Variants in TTC8 observed in about 807,000 individuals in gnomAD.
The protein encoded by TTC8 is tetratricopeptide repeat protein 8.
Under a neutral mutation model 72.5 loss-of-function variants are expected in TTC8, and 47 were observed. That is an observed-to-expected ratio of 0.65 (90% CI 0.51 to 0.83). TTC8 has a LOEUF of 0.83. TTC8 is among the 40% of genes least tolerant of loss of function. TTC8 has a pLI of 0.00. For missense variants in TTC8, 611 were observed against 623.2 expected, an observed-to-expected ratio of 0.98 and a Z score of 0.21; for synonymous variants, 199 against 221.4, an observed-to-expected ratio of 0.90 and a Z score of 0.90.
intron 10 of TTC8, among the ~76,000 whole-genome samples, chr14:88,865,065 C>G (rs1170815271): frequency 6.6e-6 from 1 of 152,012 alleles, no homozygotes; most frequent in East Asian, 1.9e-4. Context: ...AATGATTTAT[C>G]CTTGCCAGAT....
chr14:88,864,839 A>C (rs559040715), intron 10 of TTC8, among the ~76,000 whole-genome samples: 93 of 152,324 alleles, frequency 6.1e-4, no homozygotes, highest in African/African-American at 2.2e-3. Context: ...ATGTGACAAT[A>C]GATGTCCAGT....
intron 7 of TTC8, among the ~76,000 whole-genome samples, chr14:88,844,977 G>C (rs1472775736): frequency 6.6e-6 from 1 of 152,108 alleles, no homozygotes; most frequent in Non-Finnish European, 1.5e-5. Flanking sequence ...GGACATAAAT[G>C]AAATAGTTAA....
At chr14:88,824,192 CTT>C (rs2094687618), upstream of TTC8, 2 of 152,482 alleles carry the variant, frequency 1.3e-5, no homozygotes, top group African/African-American at 4.8e-5. Context: ...GGATTTAGGA[CTT>C]TAGGTCTTGA....
At chr14:88,875,684 A>C (rs1006393205) in intron 14 of TTC8, among the ~76,000 whole-genome samples, 1 of 152,198 alleles carries the variant, frequency 6.6e-6, no homozygotes, top group Non-Finnish European at 1.5e-5. Flanking sequence ...TTTGAGAATA[A>C]GGAAATGGCT....
chr14:88,876,153 G>A (rs1211824171), intron 14 of TTC8, among the ~76,000 whole-genome samples: 2 of 152,194 alleles, frequency 1.3e-5, no homozygotes, highest in Non-Finnish European at 2.9e-5. Flanking sequence ...GTTTCCCACT[G>A]TACTGTGCTA....
In TTC8 at chr14:88,830,562, A is replaced by G. The variant is rs151334337; in HGVS notation, c.115-3131A>G. ...ATTAGTCCTTAAGATTCTCCTATGA[A>G]GTAGGTACTATTGCTTTAATTTGAG... On this transcript the variant is annotated intron_variant, in intron 1 of 14. Coordinates refer to ENST00000380656, the MANE Select transcript of TTC8 (RefSeq NM_144596.4). Among the ~76,000 whole-genome samples the G allele has an allele frequency of 1.0e-3, 153 of 152,352 alleles. 1 individual carries two copies. The highest frequency in any genetic ancestry group is 3.5e-3 in the African/African-American group (146 of 41,586).
At position 88,839,586 on chromosome 14, in the gene TTC8, T is replaced by TGAAAACCAATAC. The variant is rs770242870; in HGVS notation, c.265+14_265+15insGAAAACCAATAC. On this transcript the variant is annotated intron_variant, in intron 3 of 14. Coordinates refer to ENST00000380656, the MANE Select transcript of TTC8 (RefSeq NM_144596.4). ...CTCAAGTTCCACGTAAGTATTGGGT[T>TGAAAACCAATAC]TTCAGTTAAGTTAATGAAATACCAT... is the stretch of plus-strand genomic sequence containing the variant. 6.2e-7 allele frequency: 1 copy of TGAAAACCAATAC among 1,612,626 alleles called. No individual in the cohort carries two copies. Among genetic ancestry groups the TGAAAACCAATAC allele is most frequent in the African/African-American group, 1.3e-5 (1 of 74,978 alleles).
chr14:88,846,568 G>A, intron 7 of TTC8: 1 of 1,222,306 alleles, frequency 8.2e-7, no homozygotes, highest in Non-Finnish European at 1.1e-6. Flanking sequence ...GCCATTTGTA[G>A]GTCATGGTGA....
At chr14:88,872,532 A>T (rs1184302411) in intron 13 of TTC8, 80 bp downstream of exon 13, 2 of 1,585,234 alleles carry the variant, frequency 1.3e-6, no homozygotes, top group Non-Finnish European at 8.6e-7. Flanking sequence ...ATTACAGCGT[A>T]TGTTATTTTA....
intron 10 of TTC8, among the ~76,000 whole-genome samples, chr14:88,862,345 G>T (rs927118562): frequency 1.0e-4 from 15 of 150,688 alleles, no homozygotes; most frequent in Non-Finnish European, 4.4e-5. Context: ...TTGTTTTCTT[G>T]TTTAGTTATT....
chr14:88,860,418 T>C (rs2141014336), intron 9 of TTC8, among the ~76,000 whole-genome samples: 1 of 152,368 alleles, frequency 6.6e-6, no homozygotes, highest in Admixed American at 6.5e-5. Context: ...GCTAATGAAG[T>C]GGAAGCCATT....
chr14:88,866,812 C>G (rs546340717), intron 10 of TTC8, among the ~76,000 whole-genome samples: 1 of 152,292 alleles, frequency 6.6e-6, no homozygotes, highest in Non-Finnish European at 1.5e-5. Context: ...GCCTCCAGCT[C>G]TCCTGTGTCC....
intron 3 of TTC8, 76 bp downstream of exon 3, chr14:88,839,648 T>C (rs2094770742): frequency 4.8e-6 from 7 of 1,453,910 alleles, no homozygotes; most frequent in Admixed American, 1.7e-5. Context: ...GGAATATATA[T>C]GCCTATATAT....
intron 2 of TTC8, 76 bp downstream of exon 2, chr14:88,833,798 G>GA: frequency 7.2e-7 from 1 of 1,385,334 alleles, no homozygotes; most frequent in East Asian, 2.3e-5. Context: ...CTATAGATTA[G>GA]AAAATTTGCT....
intron 7 of TTC8, chr14:88,846,955 A>G (rs1371083014): frequency 9.3e-6 from 2 of 214,026 alleles, no homozygotes; most frequent in Non-Finnish European, 1.8e-5. Context: ...GAACATATCC[A>G]TCAGCCTCCT....
chr14:88,871,401 C>T lies in TTC8; in HGVS notation c.1050-148C>T. The T allele has an allele frequency of 2.8e-6, 2 of 727,050 alleles. No individual in the cohort carries two copies. The highest frequency in any genetic ancestry group is 5.1e-5 in the Admixed American group (2 of 39,306). 45.0% of individuals were successfully genotyped at this position (727,050 alleles called of 1,614,324 possible). On this transcript the variant is annotated intron_variant, in intron 11 of 14. Transcript: ENST00000380656. The surrounding 1 kb of genome is among the most constrained non-coding windows in gnomAD (Gnocchi z 4.1). ...TTTGTATTTGCTTTAAACATTTTTT[C>T]ATTTACTATAACACGTATTTATATT... is the stretch of plus-strand genomic sequence containing the variant.
chr14:88,870,317 A>G, intron 11 of TTC8, 119 bp downstream of exon 11: 4 of 1,085,572 alleles, frequency 3.7e-6, no homozygotes, highest in Non-Finnish European at 2.8e-6. Context: ...TGAAACTCAA[A>G]TGTCAACACT....
In TTC8 at chr14:88,862,580, A is replaced by ATATATG. The variant is rs2094892065; in HGVS notation, c.909+1253_909+1254insGTATAT. Among the ~76,000 whole-genome samples the ATATATG allele has an allele frequency of 8.8e-5, 6 of 68,060 alleles. 1 individual carries two copies. The highest frequency in any genetic ancestry group is 1.6e-4 in the Admixed American group (1 of 6,226). The allele number at this position is 68,060 out of a possible 152,430, so 44.7% of individuals were successfully genotyped here. On this transcript the variant is annotated intron_variant, in intron 10 of 14. Transcript: ENST00000380656. ...TATATATATATATATATATATATAT[A>ATATATG]TATATATATATATATATTTAGAGAT...
At position 88,841,395 on chromosome 14, in the gene TTC8, A is replaced by G. The variant is rs2094780647; in HGVS notation, c.490-30A>G. The G allele has an allele frequency of 5.0e-6, 8 of 1,606,530 alleles. No individual in the cohort carries two copies. The East Asian group carries it at 1.8e-4, about 36-fold the overall frequency. On this transcript the variant is annotated intron_variant, in intron 5 of 14. Coordinates refer to ENST00000380656, the MANE Select transcript of TTC8 (RefSeq NM_144596.4). ...TTTACATTTCAAGAGAAAGTTTCAG[A>G]TCTCTTGGTCTATTGTTTTTCCTCT...
Sources: allele counts gnomAD v4.1 joint callset (sites outside exome capture counted in the v4.1 genomes callset), GRCh38; gene constraint gnomAD v4.1.1; non-coding constraint Gnocchi (gnomAD v3.1); transcripts MANE v1.5; gene names NCBI Gene and HGNC (gene_info 2026-07-23, HGNC 2026-07-21).